FOXP1: variants seen among roughly 807,000 people sequenced by gnomAD.
FOXP1 encodes the protein forkhead box P1.
Under a neutral mutation model 98.2 loss-of-function variants are expected in FOXP1, and 15 were observed. The observed-to-expected ratio is 0.15, with a 90% CI of 0.10 to 0.24. The LOEUF (loss-of-function observed/expected upper bound fraction) is 0.24. Among genes scored for constraint, FOXP1 ranks in the 10% least tolerant of loss-of-function variants. The pLI is 1.00. For missense variants in FOXP1, 633 were observed against 848.5 expected (o/e 0.75, Z 3.15); for synonymous variants, 371 against 314.5 (o/e 1.18, Z -1.90).
At chr3:71,425,959 C>G (rs2084118270) in intron 3 of FOXP1, among the ~76,000 whole-genome samples, 1 of 152,178 alleles carries the variant, frequency 6.6e-6, no homozygotes, top group Non-Finnish European at 1.5e-5. Flanking sequence ...TTTAAGACCA[C>G]AGTCTGCAGG....
chr3:71,066,012 C>T (rs1286831729), intron 7 of FOXP1, among the ~76,000 whole-genome samples: 1 of 150,874 alleles, frequency 6.6e-6, no homozygotes, highest in Non-Finnish European at 1.5e-5. Context: ...CACAAAATCC[C>T]CACACACATT....
intron 4 of FOXP1, among the ~76,000 whole-genome samples, chr3:71,312,036 T>C (rs1160270676): frequency 6.6e-6 from 1 of 152,204 alleles, no homozygotes; most frequent in Non-Finnish European, 1.5e-5. Context: ...CCCTCCCTCT[T>C]GGCTCCTTCA....
At position 71,446,959 on chromosome 3, in the gene FOXP1, G is replaced by C. The variant is rs1051173738; in HGVS notation, c.-168+46467C>G. On this transcript the variant is annotated intron_variant, in intron 3 of 20. Coordinates refer to ENST00000649528, the MANE Select transcript of FOXP1 (RefSeq NM_001349338.3). ...GGCAGTTGCTTCAATGGATTCAATG[G>C]ATGAAGCAGGCAGGGACTCAAACAC... 5.3e-5 allele frequency among the ~76,000 whole-genome samples: 8 copies of C among 152,376 alleles called. 1 individual carries two copies. The highest frequency in any genetic ancestry group is 1.9e-4 in the African/African-American group (8 of 41,598).
chr3:71,580,917 G>C, intron 2 of FOXP1: 1 of 985,344 alleles, frequency 1.0e-6, no homozygotes, highest in Non-Finnish European at 1.2e-6. Context: ...TGACAAAAAA[G>C]AAAATGCTAA....
At chr3:71,119,448 G>A (rs1223576904) in intron 6 of FOXP1, among the ~76,000 whole-genome samples, 6 of 152,072 alleles carry the variant, frequency 3.9e-5, no homozygotes, top group Non-Finnish European at 5.9e-5. Flanking sequence ...CTGTTTTTCA[G>A]ATAATTTCAT....
intron 3 of FOXP1, among the ~76,000 whole-genome samples, chr3:71,476,356 A>G (rs2089842077): frequency 6.6e-6 from 1 of 150,594 alleles, no homozygotes; most frequent in African/African-American, 2.4e-5. Flanking sequence ...AGTCTGAGCC[A>G]TAATTTGGTT....
intron 4 of FOXP1, among the ~76,000 whole-genome samples, chr3:71,316,465 C>T (rs2075079528): frequency 6.6e-6 from 1 of 152,094 alleles, no homozygotes; most frequent in Non-Finnish European, 1.5e-5. Flanking sequence ...ACCACCAGGG[C>T]CAGCTAATGC....
intron 10 of FOXP1, among the ~76,000 whole-genome samples, chr3:71,042,694 C>G (rs1250497201): frequency 1.3e-5 from 2 of 152,112 alleles, no homozygotes; most frequent in Non-Finnish European, 2.9e-5. Context: ...TATATAGCAG[C>G]AGCTGAAACA....
At chr3:71,119,757 A>G (rs531915651) in intron 6 of FOXP1, among the ~76,000 whole-genome samples, 1 of 152,202 alleles carries the variant, frequency 6.6e-6, no homozygotes, top group Non-Finnish European at 1.5e-5. Context: ...AGACAGAGCA[A>G]TCACTCCAGT....
chr3:71,176,101 T>C lies in FOXP1; in HGVS notation c.180+22101A>G, dbSNP rs552575536. Among the ~76,000 whole-genome samples, 5 of 152,264 alleles carry C rather than the reference T, an allele frequency of 3.3e-5. No homozygotes were observed. The East Asian group carries it at 9.7e-4, about 29-fold the overall frequency. On this transcript the variant is annotated intron_variant, in intron 6 of 20. Coordinates refer to ENST00000649528, the MANE Select transcript of FOXP1 (RefSeq NM_001349338.3). Reference sequence around the variant, plus strand: ...AAGAAACACAAGGTACCAGAAATATTTTATCCAAATACATTTTTGTTGGTC... The same window carrying C: ...AAGAAACACAAGGTACCAGAAATATCTTATCCAAATACATTTTTGTTGGTC...
chr3:71,325,013 A>G (rs945420556), intron 4 of FOXP1, among the ~76,000 whole-genome samples: 2 of 151,178 alleles, frequency 1.3e-5, no homozygotes, highest in African/African-American at 4.9e-5. Flanking sequence ...ATCTATCGCA[A>G]TGGCCAGAAA....
At chr3:71,392,531 C>G (rs1451482767) in intron 3 of FOXP1, among the ~76,000 whole-genome samples, 1 of 152,170 alleles carries the variant, frequency 6.6e-6, no homozygotes. Flanking sequence ...TGTATAAATG[C>G]TAACTTGCAT....
In FOXP1 at chr3:70,983,140, G is replaced by GCCTTT. The variant is rs969183966; in HGVS notation, c.1146+4849_1146+4853dup. ...CAATGGGTGGCAGCCTTTGTTACAA[G>GCCTTT]CCTTTCCTTTCCTTTCCTTTACCAT... On this transcript the variant is annotated intron_variant, in intron 14 of 20. Transcript: ENST00000649528. Among the ~76,000 whole-genome samples, 70 of 152,232 alleles carry GCCTTT rather than the reference G, an allele frequency of 4.6e-4. 1 individual carries two copies. Among genetic ancestry groups the GCCTTT allele is most frequent in the African/African-American group, 1.5e-3 (62 of 41,492 alleles).
At position 71,492,843 on chromosome 3, in the gene FOXP1, G is replaced by A. The variant is rs575577663; in HGVS notation, c.-168+583C>T. On this transcript the variant is annotated intron_variant, in intron 3 of 20. Coordinates refer to ENST00000649528, the MANE Select transcript of FOXP1 (RefSeq NM_001349338.3). ...ACAGGATGGATGGAAAACACACTTA[G>A]AGAAAAATATCATCATGTCCTTTCT... is the stretch of plus-strand genomic sequence containing the variant. 5.3e-5 allele frequency among the ~76,000 whole-genome samples: 8 copies of A among 152,280 alleles called. No homozygotes were observed. In the South Asian group the frequency reaches 1.0e-3, roughly 20 times the overall value.
In FOXP1 at chr3:71,580,640, C is replaced by G. The variant is rs536058058; in HGVS notation, c.-298+909G>C. ...TCTTTAAAAATTCTAGTTTACACATCTCCCTCCAAATTGATTCTTGCTGTG... is the reference window on the plus strand; with the variant it reads ...TCTTTAAAAATTCTAGTTTACACATGTCCCTCCAAATTGATTCTTGCTGTG... On this transcript the variant is annotated intron_variant, in intron 2 of 20. Coordinates refer to ENST00000649528, the MANE Select transcript of FOXP1 (RefSeq NM_001349338.3). 7.2e-5 allele frequency among the ~76,000 whole-genome samples: 11 copies of G among 152,000 alleles called. No individual in the cohort carries two copies. The South Asian group carries it at 2.3e-3, about 32-fold the overall frequency.
chr3:71,399,297 C>A (rs2081787410), intron 3 of FOXP1, among the ~76,000 whole-genome samples: 1 of 152,128 alleles, frequency 6.6e-6, no homozygotes, highest in African/African-American at 2.4e-5. Flanking sequence ...AGGAGTCAAA[C>A]AACTTCACAG....
chr3:71,226,379 C>A (rs903826230), intron 5 of FOXP1, among the ~76,000 whole-genome samples: 2 of 152,106 alleles, frequency 1.3e-5, no homozygotes, highest in Non-Finnish European at 2.9e-5. Flanking sequence ...CAGAGCATTG[C>A]CTTTTCAGTT....
chr3:71,115,041 A>G (rs1559959312), intron 6 of FOXP1, among the ~76,000 whole-genome samples: 1 of 152,164 alleles, frequency 6.6e-6, no homozygotes, highest in Non-Finnish European at 1.5e-5. Context: ...TAATGTAGAA[A>G]GGGAACTGTT....
At chr3:71,564,586 G>A (rs2046773242) in intron 2 of FOXP1, among the ~76,000 whole-genome samples, 1 of 152,232 alleles carries the variant, frequency 6.6e-6, no homozygotes, top group South Asian at 2.1e-4. Flanking sequence ...CTACCACGTT[G>A]CAGTGTGACT....
Sources: allele counts gnomAD v4.1 joint callset (sites outside exome capture counted in the v4.1 genomes callset), GRCh38; gene constraint gnomAD v4.1.1; transcripts MANE v1.5; gene names NCBI Gene and HGNC (gene_info 2026-07-23, HGNC 2026-07-21).